The following THSD4 variants were observed in gnomAD, a reference collection of about 807,000 sequenced individuals.
The protein encoded by THSD4 is thrombospondin type 1 domain containing 4.
In THSD4, 69 loss-of-function variants were observed where a neutral mutation model predicts 119.0. That is an observed-to-expected ratio of 0.58 (90% CI 0.48 to 0.71). The LOEUF (loss-of-function observed/expected upper bound fraction) is 0.71. Ranked by LOEUF, THSD4 falls within the 30% of genes least tolerant of loss-of-function variation. The probability of loss-of-function intolerance (pLI) is 0.00; values close to 1 mark genes in which losing one functional copy is unlikely to be tolerated. For synonymous variants in THSD4, 524 were observed against 540.4 expected, an observed-to-expected ratio of 0.97 and a Z score of 0.42; for missense variants, 1,393 against 1,391.1, an observed-to-expected ratio of 1.00 and a Z score of -0.02.
chr15:71,152,384 T>C (rs1009164120), intron 2 of THSD4, among the ~76,000 whole-genome samples: 2 of 150,710 alleles, frequency 1.3e-5, no homozygotes, highest in Admixed American at 6.6e-5. Context: ...ATCAAGCCAC[T>C]GCACTCCAGC....
At chr15:71,287,529 C>T (rs1259143910) in intron 6 of THSD4, among the ~76,000 whole-genome samples, 3 of 152,052 alleles carry the variant, frequency 2.0e-5, no homozygotes, top group Middle Eastern at 3.2e-3. Context: ...AGACACTACC[C>T]GCAAAAATAA....
intron 7 of THSD4, among the ~76,000 whole-genome samples, chr15:71,639,436 T>A (rs1229592104): frequency 6.6e-6 from 1 of 152,116 alleles, no homozygotes; most frequent in Non-Finnish European, 1.5e-5. Context: ...AAAATTCCAC[T>A]CCACAAGGGT....
intron 7 of THSD4, among the ~76,000 whole-genome samples, chr15:71,525,073 A>G (rs1050397865): frequency 6.6e-6 from 1 of 151,814 alleles, no homozygotes; most frequent in African/African-American, 2.4e-5. Flanking sequence ...GGTGGTATCA[A>G]TGAGAGAAAT....
chr15:71,129,750 GT>G (rs987356743), intron 1 of THSD4, among the ~76,000 whole-genome samples: 1 of 151,960 alleles, frequency 6.6e-6, no homozygotes, highest in Non-Finnish European at 1.5e-5. Flanking sequence ...GATAGACAGA[GT>G]TTTTTGGCAT....
chr15:71,515,757 C>A (rs2140770212), intron 7 of THSD4, among the ~76,000 whole-genome samples: 1 of 152,310 alleles, frequency 6.6e-6, no homozygotes, highest in South Asian at 2.1e-4. Context: ...TGTGTCTTGG[C>A]TCCTGGATTG....
chr15:71,348,622 C>T (rs889678347), intron 6 of THSD4, among the ~76,000 whole-genome samples: 1 of 152,212 alleles, frequency 6.6e-6, no homozygotes, highest in Admixed American at 6.5e-5. Context: ...GGACAACTCT[C>T]TGTTTTATAG....
intron 12 of THSD4, 109 bp downstream of exon 12, chr15:71,745,344 C>T (rs545401638): frequency 6.3e-6 from 9 of 1,417,922 alleles, no homozygotes; most frequent in Admixed American, 2.1e-5. Flanking sequence ...GTTAGAAATA[C>T]AAGACTTGGA....
rs1327481749 is a variant in THSD4, at chr15:71,779,239, A to G, written c.*1865A>G. 2 of 152,206 alleles carry G rather than the reference A, an allele frequency of 1.3e-5. No individual in the cohort carries two copies. The highest frequency in any genetic ancestry group is 2.9e-5 in the Non-Finnish European group (2 of 68,072). 9.4% of individuals were successfully genotyped at this position (152,206 alleles called of 1,614,324 possible). The stretch of plus-strand genomic sequence containing the variant: ...ATCTCCTGATTCTCTTGGAACTCCT[A>G]CAGATAAGCATCCTGGCAGAGGCCC... On this transcript the variant is annotated 3_prime_UTR_variant, in exon 18 of 18. Coordinates refer to ENST00000261862, the MANE Select transcript of THSD4 (RefSeq NM_024817.3).
chr15:71,698,823 G>A (rs2141066514), intron 8 of THSD4, among the ~76,000 whole-genome samples: 1 of 152,004 alleles, frequency 6.6e-6, no homozygotes, highest in Non-Finnish European at 1.5e-5. Context: ...GGCACAGAAA[G>A]ATGAATATTA....
At position 71,536,498 on chromosome 15, in the gene THSD4, T is replaced by C. The variant is rs2048690645; in HGVS notation, c.1153-124032T>C. The stretch of plus-strand genomic sequence containing the variant: ...GCCACCTTGTTTTCCCTTTGCTATG[T>C]AATGTAACATATTCACAAATTTCAG... On this transcript the variant is annotated intron_variant, in intron 7 of 17. Transcript: ENST00000261862. Among the ~76,000 whole-genome samples the C allele has an allele frequency of 2.0e-5, 3 of 152,246 alleles. 1 individual carries two copies. The highest frequency in any genetic ancestry group is 2.0e-4 in the Admixed American group (3 of 15,276).
At chr15:71,607,134 G>A (rs1270885180) in intron 7 of THSD4, among the ~76,000 whole-genome samples, 1 of 152,182 alleles carries the variant, frequency 6.6e-6, no homozygotes, top group African/African-American at 2.4e-5. Flanking sequence ...ACACCAGAGA[G>A]CCGTTATGCC....
chr15:71,468,518 T>C (rs750490875), intron 7 of THSD4, among the ~76,000 whole-genome samples: 13 of 152,374 alleles, frequency 8.5e-5, no homozygotes, highest in Admixed American at 2.0e-4. Context: ...CTTCAAGGGC[T>C]CAGCCCTCAC....
chr15:71,132,238 G>T (rs1271538343), intron 1 of THSD4, among the ~76,000 whole-genome samples: 2 of 152,136 alleles, frequency 1.3e-5, no homozygotes, highest in Admixed American at 6.5e-5. Flanking sequence ...TTATCCTAAG[G>T]AACAAGGAAG....
chr15:71,586,851 A>G (rs1410494509), intron 7 of THSD4, among the ~76,000 whole-genome samples: 1 of 152,186 alleles, frequency 6.6e-6, no homozygotes, highest in African/African-American at 2.4e-5. Context: ...AGCTGTTGAC[A>G]TTCGTTAAAG....
At chr15:71,525,199 C>A (rs1368988791) in intron 7 of THSD4, among the ~76,000 whole-genome samples, 2 of 152,152 alleles carry the variant, frequency 1.3e-5, no homozygotes, top group Admixed American at 6.6e-5. Context: ...ATTCTCATGG[C>A]AGCCTCAAGG....
chr15:71,453,586 G>A (rs2047296476), intron 7 of THSD4, among the ~76,000 whole-genome samples: 1 of 152,190 alleles, frequency 6.6e-6, no homozygotes, highest in South Asian at 2.1e-4. Context: ...CTTAGATTTT[G>A]ACATTGAGTA....
In THSD4 at chr15:71,603,806, T is replaced by C. The variant is rs745854992; in HGVS notation, c.1153-56724T>C. The stretch of plus-strand genomic sequence containing the variant: ...TGCATTAGGAAGACAATTGCTGTTA[T>C]TGGAAGGTTCTTCTGGCAGTATATA... On this transcript the variant is annotated intron_variant, in intron 7 of 17. Transcript: ENST00000261862. Among the ~76,000 whole-genome samples, 128 of 152,154 alleles carry C rather than the reference T, an allele frequency of 8.4e-4. 3 individuals carry two copies. Among genetic ancestry groups the C allele is most frequent in the Non-Finnish European group, 3.4e-4 (23 of 68,022 alleles).
intron 6 of THSD4, among the ~76,000 whole-genome samples, chr15:71,370,025 G>A (rs139668014): frequency 7.4e-4 from 112 of 151,802 alleles, no homozygotes; most frequent in Non-Finnish European, 1.1e-3. Context: ...TGTATGTGTC[G>A]AGGAATTTAT....
intron 16 of THSD4, chr15:71,767,158 A>G (rs1193613609): frequency 6.6e-6 from 1 of 152,228 alleles, no homozygotes; most frequent in Non-Finnish European, 1.5e-5. Context: ...TATGAAGTAA[A>G]TGGTTACTAT....
Sources: gnomAD v4.1 joint callset for allele counts (sites outside exome capture counted in the v4.1 genomes callset) on GRCh38, gnomAD v4.1.1 for gene constraint, MANE v1.5 for transcripts, NCBI Gene and HGNC (gene_info 2026-07-23, HGNC 2026-07-21) for gene names.